The following SKAP1 variants were observed in gnomAD, a reference collection of about 807,000 sequenced individuals.
The protein encoded by SKAP1 is src kinase associated phosphoprotein 1.
In SKAP1, 44 loss-of-function variants were observed where a neutral mutation model predicts 58.5. The ratio of observed to expected loss-of-function variants is 0.75; its 90% CI spans 0.59 to 0.97. The LOEUF (loss-of-function observed/expected upper bound fraction) is 0.97, where lower values mean the gene tolerates loss of function less well. SKAP1 is among the 50% of genes least tolerant of loss of function. The probability of loss-of-function intolerance (pLI) is 0.00; values close to 1 mark genes in which losing one functional copy is unlikely to be tolerated. For synonymous variants in SKAP1, 127 were observed against 149.7 expected, an observed-to-expected ratio of 0.85 and a Z score of 1.11; for missense variants, 390 against 435.2, an observed-to-expected ratio of 0.90 and a Z score of 0.92.
At chr17:48,169,005 C>T (rs966719639) in intron 10 of SKAP1, among the ~76,000 whole-genome samples, 7 of 152,122 alleles carry the variant, frequency 4.6e-5, no homozygotes, top group Non-Finnish European at 1.0e-4. Context: ...ACTAAGTCAC[C>T]AATCATTATA....
intron 4 of SKAP1, among the ~76,000 whole-genome samples, chr17:48,336,856 T>C (rs938337117): frequency 6.6e-6 from 1 of 152,188 alleles, no homozygotes; most frequent in African/African-American, 2.4e-5. Flanking sequence ...TGATCACTTG[T>C]AGAGAGAAGA....
At chr17:48,377,481 G>C (rs957672680) in intron 2 of SKAP1, 1 of 151,806 alleles carries the variant, frequency 6.6e-6, no homozygotes, top group Non-Finnish European at 1.5e-5. Flanking sequence ...AAGAGGCTGA[G>C]GTGGGAGGAC....
intron 4 of SKAP1, among the ~76,000 whole-genome samples, chr17:48,296,973 G>A (rs1367927692): frequency 2.0e-5 from 3 of 151,958 alleles, no homozygotes; most frequent in Admixed American, 1.3e-4. Context: ...AACTTGAAAG[G>A]AGCATTCTCT....
At chr17:48,188,407 G>A (rs1023276124) in intron 5 of SKAP1, among the ~76,000 whole-genome samples, 1 of 152,174 alleles carries the variant, frequency 6.6e-6, no homozygotes, top group African/African-American at 2.4e-5. Context: ...GGGTTTGAAG[G>A]CAGAAGTGGT....
At chr17:48,391,938 T>C (rs2144516588) in intron 2 of SKAP1, among the ~76,000 whole-genome samples, 1 of 152,284 alleles carries the variant, frequency 6.6e-6, no homozygotes, top group East Asian at 1.9e-4. Flanking sequence ...TTGATAAGCA[T>C]ACTTCATTTG....
intron 3 of SKAP1, among the ~76,000 whole-genome samples, chr17:48,346,812 A>G (rs1223921613): frequency 1.3e-5 from 2 of 152,104 alleles, no homozygotes; most frequent in Admixed American, 6.6e-5. Context: ...AAAATAGAGA[A>G]AACCTAGACT....
intron 4 of SKAP1, among the ~76,000 whole-genome samples, chr17:48,286,772 A>G (rs1362422843): frequency 1.3e-5 from 2 of 152,180 alleles, no homozygotes; most frequent in Non-Finnish European, 2.9e-5. Context: ...CCACTTTCTT[A>G]TAACTCCTCT....
At chr17:48,159,010 G>C (rs1316665213) in intron 11 of SKAP1, among the ~76,000 whole-genome samples, 6 of 148,648 alleles carry the variant, frequency 4.0e-5, no homozygotes, top group Non-Finnish European at 8.9e-5. Flanking sequence ...AGGAGCCTAC[G>C]ACTAAAGCTG....
At chr17:48,332,116 A>T (rs1213395001) in intron 4 of SKAP1, among the ~76,000 whole-genome samples, 4 of 152,140 alleles carry the variant, frequency 2.6e-5, no homozygotes, top group Non-Finnish European at 5.9e-5. Context: ...CTTTTAAAAA[A>T]TAATTACATT....
chr17:48,235,800 GGA>G (rs2065174043), intron 4 of SKAP1, among the ~76,000 whole-genome samples: 1 of 152,152 alleles, frequency 6.6e-6, no homozygotes, highest in Non-Finnish European at 1.5e-5. Flanking sequence ...GCTTGTACTT[GGA>G]CCAGTAATCA....
the SKAP1 span, among the ~76,000 whole-genome samples, chr17:48,440,360 T>C: frequency 1.3e-5 from 2 of 152,186 alleles, no homozygotes; most frequent in East Asian, 3.8e-4. Flanking sequence ...CTTCCTCTAC[T>C]GTCTGAGCAG....
chr17:48,250,283 T>G (rs536340754), intron 4 of SKAP1, among the ~76,000 whole-genome samples: 36 of 119,160 alleles, frequency 3.0e-4, no homozygotes, highest in South Asian at 1.7e-3. Flanking sequence ...TTTTTTTTTT[T>G]TTTTTTTTTT....
chr17:48,223,598 G>A (rs948114061), intron 4 of SKAP1, among the ~76,000 whole-genome samples: 1 of 152,210 alleles, frequency 6.6e-6, no homozygotes, highest in Admixed American at 6.5e-5. Flanking sequence ...AGCCACAGAA[G>A]TGGTAAATCA....
chr17:48,139,714 T>C (rs1266782786), intron 11 of SKAP1, among the ~76,000 whole-genome samples: 4 of 152,128 alleles, frequency 2.6e-5, no homozygotes, highest in Non-Finnish European at 5.9e-5. Context: ...ATATCTAATA[T>C]CTCCCCTCCT....
chr17:48,427,887 T>C (rs1447282465), intron 1 of SKAP1, among the ~76,000 whole-genome samples: 1 of 152,080 alleles, frequency 6.6e-6, no homozygotes, highest in Non-Finnish European at 1.5e-5. Flanking sequence ...CCATTTTTTC[T>C]AATTGTCAAC....
chr17:48,252,204 A>G (rs889026512), intron 4 of SKAP1, among the ~76,000 whole-genome samples: 6 of 151,154 alleles, frequency 4.0e-5, no homozygotes, highest in African/African-American at 1.5e-4. Context: ...AGTAAATAAT[A>G]TATGTAAGCG....
chr17:48,369,146 AAAAT>A (rs59376097), intron 2 of SKAP1, among the ~76,000 whole-genome samples: 106 of 146,744 alleles, frequency 7.2e-4, no homozygotes, highest in African/African-American at 1.9e-3. Context: ...ACTCCATCTC[AAAAT>A]AAATAAATAA....
intron 4 of SKAP1, among the ~76,000 whole-genome samples, chr17:48,298,476 T>C (rs2066010803): frequency 6.6e-6 from 1 of 152,262 alleles, no homozygotes; most frequent in African/African-American, 2.4e-5. Flanking sequence ...TTTGAGATAC[T>C]GACTATAAAA....
At chr17:48,366,868 T>A (rs1017437555) in intron 2 of SKAP1, among the ~76,000 whole-genome samples, 2 of 152,190 alleles carry the variant, frequency 1.3e-5, no homozygotes, top group Non-Finnish European at 2.9e-5. Flanking sequence ...GTACGTACAC[T>A]CTCTCTCTTC....
Sources: allele counts gnomAD v4.1 joint callset (sites outside exome capture counted in the v4.1 genomes callset), GRCh38; gene constraint gnomAD v4.1.1; transcripts MANE v1.5; gene names NCBI Gene and HGNC (gene_info 2026-07-23, HGNC 2026-07-21).